CNTLN: variants seen among roughly 807,000 people sequenced by gnomAD.
The protein encoded by CNTLN is centlein, centrosomal protein.
A neutral mutation model predicts 180.0 loss-of-function variants in CNTLN; 212 were observed. The observed-to-expected ratio is 1.18, with a 90% CI of 1.05 to 1.32. CNTLN has a LOEUF of 1.32. Among genes scored for constraint, CNTLN ranks in the 40% most tolerant of loss-of-function variants. CNTLN has a pLI of 0.00. For synonymous variants in CNTLN, 722 were observed against 563.1 expected (o/e 1.28, Z -3.99); for missense variants, 2,095 against 1,610.9 (o/e 1.30, Z -5.14).
At chr9:17,518,298 C>T in the CNTLN span, among the ~76,000 whole-genome samples, 8 of 152,126 alleles carry the variant, frequency 5.3e-5, no homozygotes, top group Non-Finnish European at 7.4e-5. Context: ...CTGCCTACCT[C>T]GCCCTCCCAA....
At chr9:17,211,398 C>T (rs1315501271) in intron 2 of CNTLN, among the ~76,000 whole-genome samples, 1 of 151,886 alleles carries the variant, frequency 6.6e-6, no homozygotes, top group Non-Finnish European at 1.5e-5. Flanking sequence ...GGGCTCTGTT[C>T]CGTTCCATTG....
At chr9:17,333,930 C>T (rs1306737915) in intron 10 of CNTLN, among the ~76,000 whole-genome samples, 2 of 152,186 alleles carry the variant, frequency 1.3e-5, no homozygotes, top group Non-Finnish European at 2.9e-5. Context: ...TGCTATCCTT[C>T]AAGACCCTTT....
chr9:17,294,442 T>C (rs1416212011), intron 6 of CNTLN, among the ~76,000 whole-genome samples: 2 of 151,814 alleles, frequency 1.3e-5, no homozygotes, highest in Admixed American at 1.3e-4. Context: ...CTAGATTCTT[T>C]AGATACAGAG....
At chr9:17,214,873 G>C (rs571324312) in intron 2 of CNTLN, among the ~76,000 whole-genome samples, 2 of 152,044 alleles carry the variant, frequency 1.3e-5, no homozygotes, top group Non-Finnish European at 2.9e-5. Flanking sequence ...CATTCATTAC[G>C]TAGTCCTCGT....
chr9:17,205,900 T>G, intron 2 of CNTLN, among the ~76,000 whole-genome samples: 1 of 152,154 alleles, frequency 6.6e-6, no homozygotes, highest in East Asian at 1.9e-4. Flanking sequence ...AACTGCAAAC[T>G]TAAATGCAGA....
intron 12 of CNTLN, among the ~76,000 whole-genome samples, chr9:17,350,741 T>C (rs1386778000): frequency 6.6e-6 from 1 of 152,124 alleles, no homozygotes; most frequent in Non-Finnish European, 1.5e-5. Context: ...TTCAGATTTC[T>C]CATCTTAAAA....
rs76021725 is a variant in CNTLN, at chr9:17,498,579, C to T, written c.4120-3972C>T. ...CGAGGCAAACTTTGTCAGATATCCC[C>T]GTTAAATTTCTATGCCAAGAAATTT... On this transcript the variant is annotated intron_variant, in intron 25 of 25. Coordinates refer to ENST00000380647, the MANE Select transcript of CNTLN (RefSeq NM_017738.4). Among the ~76,000 whole-genome samples the T allele has an allele frequency of 3.5e-4, 53 of 152,274 alleles. No individual in the cohort carries two copies. In the East Asian group the frequency reaches 7.7e-3, roughly 22 times the overall value.
intron 18 of CNTLN, among the ~76,000 whole-genome samples, chr9:17,424,356 C>G (rs1828938290): frequency 6.6e-6 from 1 of 151,834 alleles, no homozygotes; most frequent in Admixed American, 6.6e-5. Context: ...AAAATTAGTC[C>G]CAAATCTTAA....
At chr9:17,272,544 T>C (rs890050305) in intron 5 of CNTLN, among the ~76,000 whole-genome samples, 1 of 152,186 alleles carries the variant, frequency 6.6e-6, no homozygotes, top group Non-Finnish European at 1.5e-5. Flanking sequence ...TACCTCAGTC[T>C]GGAGCTAGAT....
chr9:17,152,150 C>T (rs1238778095), intron 2 of CNTLN, among the ~76,000 whole-genome samples: 2 of 152,068 alleles, frequency 1.3e-5, no homozygotes, highest in African/African-American at 4.8e-5. Flanking sequence ...TTTTTTGTGT[C>T]TCTATTTCCT....
chr9:17,473,613 A>G (rs1832159160), intron 23 of CNTLN, among the ~76,000 whole-genome samples: 1 of 151,646 alleles, frequency 6.6e-6, no homozygotes, highest in Non-Finnish European at 1.5e-5. Flanking sequence ...AAAACAAAAC[A>G]AAAAACAACC....
At chr9:17,318,423 C>G (rs1326082751) in intron 8 of CNTLN, among the ~76,000 whole-genome samples, 3 of 152,024 alleles carry the variant, frequency 2.0e-5, no homozygotes, top group East Asian at 3.9e-4. Flanking sequence ...ATTTAACAGG[C>G]AATTGTAATA....
intron 18 of CNTLN, among the ~76,000 whole-genome samples, chr9:17,442,415 T>G (rs1830163610): frequency 6.6e-6 from 1 of 152,174 alleles, no homozygotes; most frequent in Non-Finnish European, 1.5e-5. Context: ...TTCTCTGTTT[T>G]TGAGATGGAG....
intron 1 of CNTLN, among the ~76,000 whole-genome samples, chr9:17,142,084 A>G (rs907894098): frequency 3.6e-5 from 5 of 137,120 alleles, no homozygotes; most frequent in Non-Finnish European, 6.3e-5. Context: ...TCTGTCTCAG[A>G]AAAAAAAAAA....
intron 5 of CNTLN, among the ~76,000 whole-genome samples, chr9:17,265,335 G>C (rs11562140): frequency 0.23 from 35,078 of 152,072 alleles, 4,756 homozygotes; most frequent in South Asian, 0.36. Flanking sequence ...TTATATGCTG[G>C]ATTACACTTA....
At chr9:17,423,808 G>T (rs756708870) in intron 18 of CNTLN, among the ~76,000 whole-genome samples, 2 of 152,054 alleles carry the variant, frequency 1.3e-5, no homozygotes, top group Admixed American at 6.5e-5. Flanking sequence ...GTTGTGTTCC[G>T]CTGTGACAGG....
downstream of CNTLN, among the ~76,000 whole-genome samples, chr9:17,507,233 C>G (rs1038287238): frequency 1.6e-4 from 24 of 152,258 alleles, no homozygotes; most frequent in African/African-American, 5.5e-4. Context: ...TAAATGAGAA[C>G]ATGAGGTATT....
chr9:17,475,273 T>C (rs980783999), intron 23 of CNTLN, among the ~76,000 whole-genome samples: 4 of 152,148 alleles, frequency 2.6e-5, no homozygotes, highest in Non-Finnish European at 4.4e-5. Flanking sequence ...ACGATTGCAG[T>C]ATTAGAAATG....
rs78896738 is a variant in CNTLN, at chr9:17,270,947, CT to C, written c.850-2765del. On this transcript the variant is annotated intron_variant, in intron 5 of 25. Transcript: ENST00000380647. ...AGGGCATTTCCTTCAGAGAGGAGTT[CT>C]TTTTTTTTTTTTTTTTTTTTGAGAC... Among the ~76,000 whole-genome samples the C allele has an allele frequency of 6.9e-3, 837 of 122,040 alleles. 12 individuals are homozygous for C. The highest frequency in any genetic ancestry group is 0.056 in the Admixed American group (634 of 11,226). 80.1% of individuals were successfully genotyped at this position (122,040 alleles called of 152,430 possible). A position where few individuals can be genotyped will look rare whatever the true frequency, so the allele number is the denominator to read the frequency against.
Sources: allele counts gnomAD v4.1 joint callset (sites outside exome capture counted in the v4.1 genomes callset), GRCh38; gene constraint gnomAD v4.1.1; transcripts MANE v1.5; gene names NCBI Gene and HGNC (gene_info 2026-07-23, HGNC 2026-07-21).